The following EBF3 variants were observed in gnomAD, a reference collection of about 807,000 sequenced individuals.
The protein encoded by EBF3 is EBF transcription factor 3.
In EBF3, 18 loss-of-function variants were observed where a neutral mutation model predicts 77.1. That is an observed-to-expected ratio of 0.23 (90% CI 0.16 to 0.35). The LOEUF (loss-of-function observed/expected upper bound fraction) is 0.35, where lower values mean the gene tolerates loss of function less well. Ranked by LOEUF, EBF3 falls within the 10% of genes least tolerant of loss-of-function variation. The probability of loss-of-function intolerance (pLI) is 1.00; values close to 1 mark genes in which losing one functional copy is unlikely to be tolerated. For missense variants in EBF3, 558 were observed against 860.0 expected (o/e 0.65, Z 4.39); for synonymous variants, 350 against 343.5 (o/e 1.02, Z -0.21).
At chr10:129,900,739 C>T (rs1174588350) in intron 6 of EBF3, among the ~76,000 whole-genome samples, 4 of 152,256 alleles carry the variant, frequency 2.6e-5, no homozygotes, top group Non-Finnish European at 4.4e-5. Flanking sequence ...AGCACCGTAG[C>T]GGGGGTGCTC....
At chr10:129,840,181 C>A in intron 15 of EBF3, 64 bp downstream of exon 15, 2 of 1,327,284 alleles carry the variant, frequency 1.5e-6, no homozygotes, top group South Asian at 2.7e-5. Context: ...AGCCCCCACC[C>A]CCACTCCCAT....
chr10:129,863,548 G>A lies in EBF3; in HGVS notation c.1039+3593C>T, dbSNP rs780536513. Among the ~76,000 whole-genome samples the A allele has an allele frequency of 1.5e-4, 23 of 152,214 alleles. No individual in the cohort carries two copies. Among genetic ancestry groups the A allele is most frequent in the South Asian group, 2.1e-4 (1 of 4,828 alleles). ...CTGAGCACAGGTTCATTAGCCCTCC[G>A]CCTGGCGGCCCCAGCCGGCCTCACG... is the stretch of plus-strand genomic sequence containing the variant. On this transcript the variant is annotated intron_variant, in intron 10 of 16. Transcript: ENST00000440978. The surrounding 1 kb of genome is among the most constrained non-coding windows in gnomAD (Gnocchi z 4.0).
chr10:129,936,345 G>A (rs989250784), intron 6 of EBF3, among the ~76,000 whole-genome samples: 2 of 152,202 alleles, frequency 1.3e-5, no homozygotes, highest in Non-Finnish European at 2.9e-5. Context: ...CTGAGGGGCA[G>A]GAAGGCCAGT....
chr10:129,942,346 A>G (rs1857818574), intron 6 of EBF3, among the ~76,000 whole-genome samples: 1 of 152,132 alleles, frequency 6.6e-6, no homozygotes, highest in African/African-American at 2.4e-5. Flanking sequence ...ACAAAAATAA[A>G]CCCCCAAAAT....
Position 129,891,917 on chromosome 10 carries a change from C to T in EBF3, c.555-14068G>A, listed in dbSNP as rs1001025151. On this transcript the variant is annotated intron_variant, in intron 6 of 16. Coordinates refer to ENST00000440978, the MANE Select transcript of EBF3 (RefSeq NM_001375380.1). ...GGAAGAGCTTGGCGTCACTCTCCCC[C>T]AATTATCCGGGAAATTCCGAGATTC... Among the ~76,000 whole-genome samples, 20 of 152,352 alleles carry T rather than the reference C, an allele frequency of 1.3e-4. No homozygotes were observed. The South Asian group carries it at 1.4e-3, about 11-fold the overall frequency.
chr10:129,894,589 T>TG (rs1231414921), intron 6 of EBF3, among the ~76,000 whole-genome samples: 2 of 152,154 alleles, frequency 1.3e-5, no homozygotes, highest in Non-Finnish European at 2.9e-5. Flanking sequence ...CTTTCTACTC[T>TG]GCTTGGAAGC....
chr10:129,905,806 G>A (rs539915934), intron 6 of EBF3, among the ~76,000 whole-genome samples: 5 of 152,174 alleles, frequency 3.3e-5, no homozygotes, highest in Admixed American at 6.5e-5. Context: ...CAACCTCCCC[G>A]CTGGAGGCTG....
At chr10:129,849,623 C>G (rs1000882033) in intron 10 of EBF3, among the ~76,000 whole-genome samples, 4 of 152,174 alleles carry the variant, frequency 2.6e-5, no homozygotes, top group African/African-American at 9.7e-5. Context: ...TTGTAAGCAA[C>G]GCAGGAAGCC....
chr10:129,937,013 A>G (rs1446839869), intron 6 of EBF3, among the ~76,000 whole-genome samples: 1 of 152,202 alleles, frequency 6.6e-6, no homozygotes, highest in African/African-American at 2.4e-5. Context: ...GCGACAGTGC[A>G]TCTCCTACGT....
In EBF3 at chr10:129,947,112, C is replaced by T. The variant is rs927294777; in HGVS notation, c.554+10146G>A. Among the ~76,000 whole-genome samples, 6 of 152,130 alleles carry T rather than the reference C, an allele frequency of 3.9e-5. No homozygotes were observed. Among genetic ancestry groups the T allele is most frequent in the Admixed American group, 2.6e-4 (4 of 15,278 alleles). ...ACCCAATCTTCCTCGTGTCAGGGGA[C>T]GAGCCGCTTCATTGAGAAAATGGAA... On this transcript the variant is annotated intron_variant, in intron 6 of 16. Transcript: ENST00000440978. This position sits in a 1 kb window ranked among gnomAD's most constrained non-coding sequence, Gnocchi z 4.5.
intron 6 of EBF3, among the ~76,000 whole-genome samples, chr10:129,936,801 C>A (rs1197348051): frequency 3.3e-5 from 5 of 151,148 alleles, no homozygotes; most frequent in African/African-American, 1.2e-4. Flanking sequence ...TGTGTGGGGA[C>A]CCAGGGGACT....
At chr10:129,942,435 C>T (rs1469353029) in intron 6 of EBF3, among the ~76,000 whole-genome samples, 1 of 152,200 alleles carries the variant, frequency 6.6e-6, no homozygotes, top group Non-Finnish European at 1.5e-5. Flanking sequence ...AAAACAAAAG[C>T]AAATCAGTGT....
intron 11 of EBF3, among the ~76,000 whole-genome samples, chr10:129,843,955 A>G (rs7916382): frequency 0.019 from 2,910 of 152,280 alleles, 101 homozygotes; most frequent in African/African-American, 0.065. Context: ...ATTAATCCAG[A>G]GTTTAGTTAA....
rs956215243 is a variant in EBF3 at position 129,924,430 on chromosome 10, CAAAAAAA to C, written c.554+32821_554+32827del. On this transcript the variant is annotated intron_variant, in intron 6 of 16. Transcript: ENST00000440978. ...ACTCCGTCTCAAACAACAACAACAA[CAAAAAAA>C]AAAAAAAACAAAAAACAAAAAACAG... Among the ~76,000 whole-genome samples the C allele has an allele frequency of 3.7e-5, 4 of 108,452 alleles. 1 individual carries two copies. Among genetic ancestry groups the C allele is most frequent in the African/African-American group, 7.1e-5 (2 of 28,168 alleles). The allele number at this position is 108,452 out of a possible 152,430, so 71.1% of individuals were successfully genotyped here.
chr10:129,893,121 G>A (rs560618538), intron 6 of EBF3, among the ~76,000 whole-genome samples: 19 of 152,276 alleles, frequency 1.2e-4, no homozygotes, highest in African/African-American at 3.6e-4. Context: ...ACCAATCCCC[G>A]GGAAATGGCA....
In EBF3 at chr10:129,874,295, T is replaced by C. The variant is rs560480326; in HGVS notation, c.637-699A>G. Among the ~76,000 whole-genome samples, 192 of 152,280 alleles carry C rather than the reference T, an allele frequency of 1.3e-3. 7 individuals carry two copies. In the South Asian group the frequency reaches 0.038, roughly 30 times the overall value. On this transcript the variant is annotated intron_variant, in intron 7 of 16. Coordinates refer to ENST00000440978, the MANE Select transcript of EBF3 (RefSeq NM_001375380.1). ...CTCTGTTGCGGTGAGAGGCTTCCAT[T>C]CTTAGGTCCAGGCACAAAGGATGTC...
intron 6 of EBF3, among the ~76,000 whole-genome samples, chr10:129,901,378 A>G (rs749591774): frequency 1.4e-4 from 22 of 152,236 alleles, no homozygotes; most frequent in Non-Finnish European, 2.8e-4. Flanking sequence ...GAAATTGCCC[A>G]TCATAAAATA....
chr10:129,874,028 A>G (rs1852587087), intron 7 of EBF3, among the ~76,000 whole-genome samples: 1 of 152,198 alleles, frequency 6.6e-6, no homozygotes, highest in African/African-American at 2.4e-5. Context: ...AGCTGGGAGG[A>G]TTCAGAGTTG....
chr10:129,840,822 T>C (rs1400973902), intron 14 of EBF3, 22 bp downstream of exon 14: 1 of 1,605,188 alleles, frequency 6.2e-7, no homozygotes, highest in Non-Finnish European at 8.5e-7. Context: ...CGTGATGACG[T>C]GTGACAAAAA....
Sources: allele counts gnomAD v4.1 joint callset (sites outside exome capture counted in the v4.1 genomes callset), GRCh38; gene constraint gnomAD v4.1.1; non-coding constraint Gnocchi (gnomAD v3.1); transcripts MANE v1.5; gene names NCBI Gene and HGNC (gene_info 2026-07-23, HGNC 2026-07-21).